The following SLCO1B1 variants were observed in gnomAD, a reference collection of about 807,000 sequenced individuals.
SLCO1B1 encodes OATP-2.
Under a neutral mutation model 70.1 loss-of-function variants are expected in SLCO1B1, and 81 were observed. The ratio of observed to expected loss-of-function variants is 1.16; its 90% CI spans 0.97 to 1.39. The LOEUF (loss-of-function observed/expected upper bound fraction) is 1.39. SLCO1B1 is among the 40% of genes most tolerant of loss of function. SLCO1B1 has a pLI of 0.00. For synonymous variants in SLCO1B1, 283 were observed against 271.5 expected (o/e 1.04, Z -0.42); for missense variants, 895 against 799.6 (o/e 1.12, Z -1.44).
rs191562695 is a variant in SLCO1B1, at chr12:21,187,572, C to T, written c.727+8552C>T. Among the ~76,000 whole-genome samples, 117 of 151,696 alleles carry T rather than the reference C, an allele frequency of 7.7e-4. No homozygotes were observed. The Middle Eastern group carries it at 0.02, about 26-fold the overall frequency. On this transcript the variant is annotated intron_variant, in intron 7 of 14. Coordinates refer to ENST00000256958, the MANE Select transcript of SLCO1B1 (RefSeq NM_006446.5). ...AGGATCATTACAGATGATACTCTAA[C>T]GAAAGGATTATCAGTGCTATCAAAG...
In SLCO1B1 at chr12:21,143,356, A is replaced by G. The variant is rs113132632; in HGVS notation, c.84+1698A>G. 9.2e-5 allele frequency among the ~76,000 whole-genome samples: 14 copies of G among 152,154 alleles called. 1 individual carries two copies. Among genetic ancestry groups the G allele is most frequent in the Admixed American group, 3.3e-4 (5 of 15,264 alleles). On this transcript the variant is annotated intron_variant, in intron 2 of 14. Coordinates refer to ENST00000256958, the MANE Select transcript of SLCO1B1 (RefSeq NM_006446.5). ...TAATTTCTTAATTTTCTGTATTTGA[A>G]ATATTATGATTTAGAGATATCTCTG...
intron 10 of SLCO1B1, among the ~76,000 whole-genome samples, chr12:21,204,860 C>A (rs1941197059): frequency 6.6e-6 from 1 of 151,774 alleles, no homozygotes; most frequent in Non-Finnish European, 1.5e-5. Flanking sequence ...TAATTCCATT[C>A]ATGAGTACTC....
chr12:21,205,015 A>G (rs924365723), intron 10 of SLCO1B1, among the ~76,000 whole-genome samples: 3 of 151,888 alleles, frequency 2.0e-5, no homozygotes, highest in Non-Finnish European at 4.4e-5. Flanking sequence ...TCCAAGTAGT[A>G]TTTCCTCAAG....
At chr12:21,238,196 A>G (rs1941613456) in intron 14 of SLCO1B1, among the ~76,000 whole-genome samples, 2 of 152,088 alleles carry the variant, frequency 1.3e-5, no homozygotes, top group Non-Finnish European at 2.9e-5. Flanking sequence ...TCCTCAAATT[A>G]GAGAGTCTTC....
chr12:21,210,562 A>G (rs1341654978), intron 11 of SLCO1B1, among the ~76,000 whole-genome samples: 1 of 144,492 alleles, frequency 6.9e-6, no homozygotes, highest in East Asian at 2.0e-4. Flanking sequence ...TTTTGGTTCC[A>G]TATGAACTTT....
chr12:21,173,264 G>C (rs776260087), intron 3 of SLCO1B1, among the ~76,000 whole-genome samples: 1 of 152,058 alleles, frequency 6.6e-6, no homozygotes, highest in South Asian at 2.1e-4. Flanking sequence ...ATATTTTGTT[G>C]TCTTCATTTT....
At chr12:21,152,199 CT>C (rs1226013487) in intron 2 of SLCO1B1, among the ~76,000 whole-genome samples, 4 of 151,980 alleles carry the variant, frequency 2.6e-5, no homozygotes, top group African/African-American at 9.7e-5. Flanking sequence ...TTCTTCATTT[CT>C]GCTACGATGT....
At chr12:21,176,925 T>A (rs1483847533) in intron 5 of SLCO1B1, 28 bp downstream of exon 5, 4 of 1,493,842 alleles carry the variant, frequency 2.7e-6, no homozygotes, top group Non-Finnish European at 3.7e-6. Flanking sequence ...CAGTAAAAAG[T>A]CTTCTAAAAT....
chr12:21,141,734 AAAG>A, intron 2 of SLCO1B1, 76 bp downstream of exon 2: 1 of 835,818 alleles, frequency 1.2e-6, no homozygotes, highest in Non-Finnish European at 2.0e-6. Flanking sequence ...AAGTTGTTAA[AAAG>A]AACATTATGT....
At position 21,200,976 on chromosome 12, in the gene SLCO1B1, C is replaced by T. The variant is rs188961481; in HGVS notation, c.1135+304C>T. ...ATTTAGTGCTAAGATCTGAGACAAACCCTTTTGTAATTATAATCATTATAA... is the reference window on the plus strand; with the variant it reads ...ATTTAGTGCTAAGATCTGAGACAAATCCTTTTGTAATTATAATCATTATAA... On this transcript the variant is annotated intron_variant, in intron 9 of 14. Coordinates refer to ENST00000256958, the MANE Select transcript of SLCO1B1 (RefSeq NM_006446.5). Among the ~76,000 whole-genome samples the T allele has an allele frequency of 1.2e-4, 19 of 152,148 alleles. No homozygotes were observed. The East Asian group carries it at 3.3e-3, about 26-fold the overall frequency.
chr12:21,193,616 G>A (rs1399182115), intron 7 of SLCO1B1, among the ~76,000 whole-genome samples: 2 of 152,082 alleles, frequency 1.3e-5, no homozygotes, highest in Non-Finnish European at 2.9e-5. Context: ...TTGACAAATA[G>A]TTAGGTTGCA....
chr12:21,192,572 C>T (rs1298995036), intron 7 of SLCO1B1, among the ~76,000 whole-genome samples: 2 of 150,244 alleles, frequency 1.3e-5, no homozygotes, highest in African/African-American at 2.4e-5. Flanking sequence ...GTTTTTTTTT[C>T]CATATTCTTT....
At chr12:21,172,602 T>C in intron 2 of SLCO1B1, 48 bp from the exon 3 acceptor site, 1 of 1,597,144 alleles carries the variant, frequency 6.3e-7, no homozygotes, top group South Asian at 1.1e-5. Flanking sequence ...TGACATTATA[T>C]AGTCCTTCGA....
intron 2 of SLCO1B1, among the ~76,000 whole-genome samples, chr12:21,148,257 T>G (rs1446350109): frequency 1.3e-5 from 2 of 152,150 alleles, no homozygotes; most frequent in African/African-American, 4.8e-5. Context: ...CATTGCTTTT[T>G]GTGTTTTAGT....
chr12:21,197,763 T>TTATC (rs755158885), intron 8 of SLCO1B1, among the ~76,000 whole-genome samples: 1 of 152,100 alleles, frequency 6.6e-6, no homozygotes, highest in Non-Finnish European at 1.5e-5. Flanking sequence ...ATTTTGGTAA[T>TTATC]TATCTATCTA....
chr12:21,171,810 C>T (rs1940758662), intron 2 of SLCO1B1, among the ~76,000 whole-genome samples: 1 of 151,896 alleles, frequency 6.6e-6, no homozygotes, highest in African/African-American at 2.4e-5. Flanking sequence ...AAGGCCATAT[C>T]CTCATTGTGT....
In SLCO1B1 at chr12:21,202,699, C is replaced by T; in HGVS notation, c.1331+13C>T. The T allele has an allele frequency of 6.3e-7, 1 of 1,585,268 alleles. No homozygotes were observed. Among genetic ancestry groups the T allele is most frequent in the Non-Finnish European group, 8.6e-7 (1 of 1,156,154 alleles). On this transcript the variant is annotated intron_variant, in intron 10 of 14. Transcript: ENST00000256958. ...TGACCTATGATGGGTTTGTATATAT[C>T]ACTATATCAATTGCATAATATGTTA...
At position 21,178,721 on chromosome 12, in the gene SLCO1B1, A is replaced by G. The variant is rs1167883647; in HGVS notation, c.627A>G (p.Leu209=). 6.2e-7 allele frequency: 1 copy of G among 1,600,158 alleles called. No homozygotes were observed. The highest frequency in any genetic ancestry group is 8.6e-7 in the Non-Finnish European group (1 of 1,167,506). The change falls in exon 6 of 15, where the codon TTA becomes TTG. Residue 209 remains leucine, a splice_region_variant and synonymous_variant. Coordinates refer to ENST00000256958, the MANE Select transcript of SLCO1B1 (RefSeq NM_006446.5). ...FAKEGHSSLY[L]GILNAIAMIG... Reference sequence around the variant, plus strand: ...AAGAAGGACATTCTTCTTTGTATTTAGGTAATGTACACAAAATATTAAATT... The same window carrying G: ...AAGAAGGACATTCTTCTTTGTATTTGGGTAATGTACACAAAATATTAAATT...
rs534214036 is a variant in SLCO1B1 at position 21,162,120 on chromosome 12, CTT to C, written c.85-10529_85-10528del. Among the ~76,000 whole-genome samples the C allele has an allele frequency of 5.1e-4, 78 of 151,800 alleles. 1 individual carries two copies. The Middle Eastern group carries it at 0.017, about 34-fold the overall frequency. On this transcript the variant is annotated intron_variant, in intron 2 of 14. Transcript: ENST00000256958. The stretch of plus-strand genomic sequence containing the variant: ...TAAGTCATATGATAATACAGATACT[CTT>C]AAGAAATGCATAAAATATATGAATA...
Sources: allele counts gnomAD v4.1 joint callset (sites outside exome capture counted in the v4.1 genomes callset), GRCh38; gene constraint gnomAD v4.1.1; transcripts MANE v1.5; gene names NCBI Gene and HGNC (gene_info 2026-07-23, HGNC 2026-07-21).